NCKAP5: variants seen among roughly 807,000 people sequenced by gnomAD.
NCKAP5 encodes nck-associated protein 5.
A neutral mutation model predicts 167.0 loss-of-function variants in NCKAP5; 92 were observed. That is an observed-to-expected ratio of 0.55 (90% CI 0.47 to 0.66). NCKAP5 has a LOEUF of 0.66. Among genes scored for constraint, NCKAP5 ranks in the 30% least tolerant of loss-of-function variants. NCKAP5 has a pLI of 0.00. For synonymous variants in NCKAP5, 891 were observed against 877.4 expected (o/e 1.02, Z -0.27); for missense variants, 2,378 against 2,315.0 (o/e 1.03, Z -0.56).
At chr2:132,697,038 C>CT (rs1687390268) in intron 19 of NCKAP5, among the ~76,000 whole-genome samples, 1 of 32 alleles carries the variant, frequency 0.031, no homozygotes, top group Non-Finnish European at 0.056. Flanking sequence ...CAGGCATGTG[C>CT]ACCATACCCA....
the NCKAP5 span, among the ~76,000 whole-genome samples, chr2:133,648,534 TAG>T: frequency 3.3e-5 from 5 of 152,248 alleles, no homozygotes; most frequent in Admixed American, 2.6e-4. Context: ...CTAATTTATA[TAG>T]ACTGAAGTCA....
intron 18 of NCKAP5, among the ~76,000 whole-genome samples, chr2:132,726,382 C>A (rs12471627): frequency 6.6e-6 from 1 of 152,124 alleles, no homozygotes; most frequent in African/African-American, 2.4e-5. Flanking sequence ...CTGACCCCAT[C>A]CCCTAAGGAT....
intron 8 of NCKAP5, among the ~76,000 whole-genome samples, chr2:132,913,569 T>C (rs552568074): frequency 6.6e-6 from 1 of 152,320 alleles, no homozygotes; most frequent in South Asian, 2.1e-4. Flanking sequence ...TTTGTACTTA[T>C]AAATCAATTT....
At chr2:132,815,801 T>C (rs1376622456) in intron 11 of NCKAP5, among the ~76,000 whole-genome samples, 1 of 152,204 alleles carries the variant, frequency 6.6e-6, no homozygotes, top group Non-Finnish European at 1.5e-5. Context: ...AACTGCCTTA[T>C]CAAAATAGCT....
intron 8 of NCKAP5, among the ~76,000 whole-genome samples, chr2:132,946,642 A>G (rs982406330): frequency 2.0e-5 from 3 of 152,178 alleles, no homozygotes; most frequent in Admixed American, 6.5e-5. Context: ...CACACCGGTA[A>G]TCCTAGTACT....
intron 11 of NCKAP5, among the ~76,000 whole-genome samples, chr2:132,821,899 T>C (rs1450456416): frequency 3.3e-5 from 5 of 152,190 alleles, no homozygotes; most frequent in African/African-American, 4.8e-5. Flanking sequence ...CACACCTGCC[T>C]AACCCTGCCC....
chr2:132,824,407 G>A (rs1425264997), intron 11 of NCKAP5, among the ~76,000 whole-genome samples: 4 of 152,140 alleles, frequency 2.6e-5, no homozygotes, highest in African/African-American at 4.8e-5. Flanking sequence ...AACATCTAGA[G>A]CCATATCTGT....
In NCKAP5 at chr2:132,809,942, T is replaced by C. The variant is rs540667984; in HGVS notation, c.808-13213A>G. Among the ~76,000 whole-genome samples the C allele has an allele frequency of 3.4e-4, 52 of 152,334 alleles. 1 individual carries two copies. The highest frequency in any genetic ancestry group is 1.2e-3 in the African/African-American group (49 of 41,590). The stretch of plus-strand genomic sequence containing the variant: ...AGTTTCCAGGATTTGTTTCAAGATT[T>C]AGAGCTCTTTTTAGCAGCTCTTGTA... On this transcript the variant is annotated intron_variant, in intron 11 of 19. Coordinates refer to ENST00000409261, the MANE Select transcript of NCKAP5 (RefSeq NM_207363.3).
chr2:133,545,967 C>G (rs1558771380), intron 2 of NCKAP5, among the ~76,000 whole-genome samples: 1 of 152,028 alleles, frequency 6.6e-6, no homozygotes, highest in Non-Finnish European at 1.5e-5. Flanking sequence ...GTACTAGATT[C>G]GATTAGTTTA....
chr2:133,248,951 C>T (rs1020034911), intron 4 of NCKAP5, among the ~76,000 whole-genome samples: 1 of 152,152 alleles, frequency 6.6e-6, no homozygotes, highest in African/African-American at 2.4e-5. Context: ...CTGAACATTT[C>T]TTGGTATCTT....
intron 11 of NCKAP5, among the ~76,000 whole-genome samples, chr2:132,858,073 G>C (rs1689607396): frequency 1.3e-5 from 2 of 152,126 alleles, no homozygotes; most frequent in East Asian, 3.9e-4. Flanking sequence ...TTGGAATATA[G>C]AGAATCATTA....
chr2:132,900,181 CA>C (rs1417688887), intron 8 of NCKAP5, among the ~76,000 whole-genome samples: 1 of 152,058 alleles, frequency 6.6e-6, no homozygotes, highest in Non-Finnish European at 1.5e-5. Flanking sequence ...ATTACCATAA[CA>C]GCTGTAATAA....
At chr2:133,572,812 C>G (rs1177447812), upstream of NCKAP5, among the ~76,000 whole-genome samples, 1 of 152,186 alleles carries the variant, frequency 6.6e-6, no homozygotes, top group Non-Finnish European at 1.5e-5. Flanking sequence ...GTGTGAGTCT[C>G]AAGGGGCCTT....
intron 1 of NCKAP5, among the ~76,000 whole-genome samples, chr2:133,562,048 C>T (rs747130106): frequency 6.7e-6 from 1 of 150,276 alleles, no homozygotes; most frequent in Non-Finnish European, 1.5e-5. Flanking sequence ...CTGGGAGGTA[C>T]AAAAAGATAT....
chr2:132,953,619 G>C (rs2076259546), intron 8 of NCKAP5, among the ~76,000 whole-genome samples: 1 of 151,804 alleles, frequency 6.6e-6, no homozygotes, highest in Non-Finnish European at 1.5e-5. Context: ...GGAGGGAGAG[G>C]AAGGTGTGCT....
At chr2:132,774,271 G>A (rs1574157827) in intron 15 of NCKAP5, among the ~76,000 whole-genome samples, 1 of 152,120 alleles carries the variant, frequency 6.6e-6, no homozygotes, top group Non-Finnish European at 1.5e-5. Flanking sequence ...AGTCTAACGA[G>A]GTATAATTCC....
At position 133,327,508 on chromosome 2, in the gene NCKAP5, G is replaced by T. The variant is rs528046443; in HGVS notation, c.70-24398C>A. 1.4e-4 allele frequency among the ~76,000 whole-genome samples: 22 copies of T among 152,258 alleles called. 1 individual carries two copies. In the South Asian group the frequency reaches 3.5e-3, roughly 24 times the overall value. Reference sequence around the variant, plus strand: ...GATTCCTGGCCCTGGTTGTTCTGCAGGTTGTAGCCTTAATAAACTGGTTGG... The same window carrying T: ...GATTCCTGGCCCTGGTTGTTCTGCATGTTGTAGCCTTAATAAACTGGTTGG... On this transcript the variant is annotated intron_variant, in intron 3 of 19. Transcript: ENST00000409261.
chr2:133,538,474 T>C lies in NCKAP5; in HGVS notation c.-62+20576A>G, dbSNP rs191864249. On this transcript the variant is annotated intron_variant, in intron 2 of 19. Coordinates refer to ENST00000409261, the MANE Select transcript of NCKAP5 (RefSeq NM_207363.3). ...CTCAAAGTAAAAATCTTCCATAAAATAATAGTTGAGTTAGATATGCAACTT... is the reference window on the plus strand; with the variant it reads ...CTCAAAGTAAAAATCTTCCATAAAACAATAGTTGAGTTAGATATGCAACTT... Among the ~76,000 whole-genome samples, 11 of 152,176 alleles carry C rather than the reference T, an allele frequency of 7.2e-5. No homozygotes were observed. The East Asian group carries it at 1.5e-3, about 21-fold the overall frequency.
chr2:133,131,329 T>G (rs2082595928), intron 5 of NCKAP5, among the ~76,000 whole-genome samples: 1 of 152,164 alleles, frequency 6.6e-6, no homozygotes, highest in African/African-American at 2.4e-5. Flanking sequence ...TTGCAAGCCA[T>G]GTCCTCTACA....
Sources: gnomAD v4.1 joint callset for allele counts (sites outside exome capture counted in the v4.1 genomes callset) on GRCh38, gnomAD v4.1.1 for gene constraint, MANE v1.5 for transcripts, NCBI Gene and HGNC (gene_info 2026-07-23, HGNC 2026-07-21) for gene names.